MYRIP: variants seen among roughly 807,000 people sequenced by gnomAD.
MYRIP encodes rab effector MyRIP.
In MYRIP, 49 loss-of-function variants were observed where a neutral mutation model predicts 98.0. That is an observed-to-expected ratio of 0.50 (90% CI 0.40 to 0.63). MYRIP has a LOEUF of 0.63. MYRIP is among the 30% of genes least tolerant of loss of function. The pLI is 0.00. For missense variants in MYRIP, 1,004 were observed against 1,058.2 expected (o/e 0.95, Z 0.71); for synonymous variants, 404 against 409.5 (o/e 0.99, Z 0.16).
At chr3:39,927,999 C>G (rs1034243315) in intron 2 of MYRIP, among the ~76,000 whole-genome samples, 1 of 151,880 alleles carries the variant, frequency 6.6e-6, no homozygotes. Context: ...ATGAGAAACA[C>G]CCTCAACAAA....
intron 3 of MYRIP, among the ~76,000 whole-genome samples, chr3:40,073,652 C>T (rs760358974): frequency 2.2e-4 from 34 of 152,210 alleles, no homozygotes; most frequent in Non-Finnish European, 4.1e-4. Flanking sequence ...TTCCCTTTTG[C>T]CCTTCTTATT....
intron 2 of MYRIP, among the ~76,000 whole-genome samples, chr3:40,030,499 A>C (rs1352969884): frequency 6.6e-6 from 1 of 152,200 alleles, no homozygotes; most frequent in Non-Finnish European, 1.5e-5. Context: ...ATAATTAAAA[A>C]TACACGTCCA....
intron 3 of MYRIP, among the ~76,000 whole-genome samples, chr3:40,101,605 G>A (rs1948947171): frequency 6.6e-6 from 1 of 150,956 alleles, no homozygotes. Flanking sequence ...TCCTCTCTTT[G>A]TCCTGTTTTC....
chr3:39,887,956 G>A (rs1013537662), intron 1 of MYRIP, among the ~76,000 whole-genome samples: 10 of 150,984 alleles, frequency 6.6e-5, no homozygotes, highest in African/African-American at 9.8e-5. Context: ...AAATACCTAG[G>A]AATCCAACTT....
Position 40,190,458 on chromosome 3 carries a change from C to T in MYRIP, c.1660C>T (p.His554Tyr), listed in dbSNP as rs1404956727. 4 of 1,586,234 alleles carry T rather than the reference C, an allele frequency of 2.5e-6. No individual in the cohort carries two copies. Among genetic ancestry groups the T allele is most frequent in the Non-Finnish European group, 3.4e-6 (4 of 1,166,494 alleles). ...PSAQLRDLDT[H>Y]QVSDDLSETD... is the part of the protein sequence containing the mutation. ...CGCCCAGCTCCGGGATCTAGACACA[C>T]ATCAGGTAATGGAAGTGCATGCGTG... Residue 554 changes from histidine to tyrosine, a missense_variant, in exon 10 of 17, where the codon CAT becomes TAT. Coordinates refer to ENST00000302541, the MANE Select transcript of MYRIP (RefSeq NM_015460.4).
At chr3:40,004,631 C>G (rs1242922279) in intron 2 of MYRIP, among the ~76,000 whole-genome samples, 1 of 152,102 alleles carries the variant, frequency 6.6e-6, no homozygotes, top group Non-Finnish European at 1.5e-5. Context: ...CTCACCCCAA[C>G]TCCCACCTTT....
intron 3 of MYRIP, among the ~76,000 whole-genome samples, chr3:40,102,007 C>T (rs1385478724): frequency 6.6e-6 from 1 of 152,132 alleles, no homozygotes; most frequent in African/African-American, 2.4e-5. Flanking sequence ...AGGTCTTTTT[C>T]TTTAGAGTCG....
intron 2 of MYRIP, among the ~76,000 whole-genome samples, chr3:39,930,586 A>G (rs1426845987): frequency 1.4e-5 from 2 of 146,780 alleles, no homozygotes; most frequent in Admixed American, 1.4e-4. Context: ...GCTTATTTCT[A>G]AGAAACCATT....
chr3:40,050,836 G>A (rs1575496546), intron 3 of MYRIP, among the ~76,000 whole-genome samples: 1 of 152,242 alleles, frequency 6.6e-6, no homozygotes, highest in East Asian at 1.9e-4. Context: ...GACTTTGAGG[G>A]ATTCAGAACT....
rs546863003 is a variant in MYRIP at position 40,218,326 on chromosome 3, A to G, written c.1905+8233A>G. ...GGAAAAAAGACTCAAAAGGTTACAT[A>G]CTTCCCACTTACATGACATTCTGGA... On this transcript the variant is annotated intron_variant, in intron 11 of 16. Transcript: ENST00000302541. Among the ~76,000 whole-genome samples, 139 of 152,048 alleles carry G rather than the reference A, an allele frequency of 9.1e-4. 1 individual carries two copies. Among genetic ancestry groups the G allele is most frequent in the African/African-American group, 3.2e-3 (134 of 41,456 alleles).
At chr3:39,866,515 G>A (rs1036806572) in intron 1 of MYRIP, among the ~76,000 whole-genome samples, 1 of 152,024 alleles carries the variant, frequency 6.6e-6, no homozygotes, top group African/African-American at 2.4e-5. Context: ...TTGTTGCCGA[G>A]GCTGGGGTGT....
chr3:39,850,772 A>G (rs1017990637), intron 1 of MYRIP, among the ~76,000 whole-genome samples: 1 of 152,204 alleles, frequency 6.6e-6, no homozygotes, highest in Non-Finnish European at 1.5e-5. Context: ...GCCAGCTCTT[A>G]TATTGACACA....
At chr3:40,157,097 T>G (rs1362329134) in intron 4 of MYRIP, among the ~76,000 whole-genome samples, 2 of 147,902 alleles carry the variant, frequency 1.4e-5, no homozygotes, top group Non-Finnish European at 3.0e-5. Flanking sequence ...ATGCTTCCAG[T>G]TTTTGCCCAT....
chr3:40,176,272 A>G (rs1245118229), intron 8 of MYRIP, among the ~76,000 whole-genome samples: 1 of 152,156 alleles, frequency 6.6e-6, no homozygotes, highest in Non-Finnish European at 1.5e-5. Context: ...AATTAAATAA[A>G]ACTAAAAATC....
chr3:40,213,843 G>T (rs1314413861), intron 11 of MYRIP, among the ~76,000 whole-genome samples: 2 of 152,164 alleles, frequency 1.3e-5, no homozygotes, highest in Non-Finnish European at 2.9e-5. Context: ...CGGGAGTGAG[G>T]CACTAACTAG....
chr3:40,132,952 TG>T (rs1306926007), intron 3 of MYRIP, among the ~76,000 whole-genome samples: 1 of 152,214 alleles, frequency 6.6e-6, no homozygotes, highest in African/African-American at 2.4e-5. Context: ...TGTACTGCCA[TG>T]GAGGTGTTCA....
chr3:39,977,548 A>T (rs183249348), intron 2 of MYRIP, among the ~76,000 whole-genome samples: 1 of 152,156 alleles, frequency 6.6e-6, no homozygotes, highest in Non-Finnish European at 1.5e-5. Context: ...ATCCACCTCC[A>T]CAGGATGGAT....
Position 40,151,125 on chromosome 3 carries a change from T to A in MYRIP, c.410T>A (p.Val137Asp), listed in dbSNP as rs771871017. Residue 137 changes from valine to aspartate, a missense_variant, in exon 4 of 17, where the codon GTT becomes GAT. Physicochemically the swap from Val to Asp is radical, Grantham distance 152. Transcript: ENST00000302541. ...SRFKRFGSAK[V>D]LKNLYRKHRL... is the part of the protein sequence containing the mutation. ...TTCAAGCGCTTTGGCAGTGCCAAGG[T>A]TCTGAAGAACCTGTACAGGAAGCAC... 6.2e-7 allele frequency: 1 copy of A among 1,610,886 alleles called. No homozygotes were observed. The highest frequency in any genetic ancestry group is 8.5e-7 in the Non-Finnish European group (1 of 1,178,414).
At chr3:39,843,081 T>TA (rs370265835) in intron 1 of MYRIP, among the ~76,000 whole-genome samples, 217 of 152,350 alleles carry the variant, frequency 1.4e-3, no homozygotes, top group Non-Finnish European at 2.1e-3. Flanking sequence ...CAGGCAATGT[T>TA]AAAGATGATT....
Sources: gnomAD v4.1 joint callset for allele counts (sites outside exome capture counted in the v4.1 genomes callset) on GRCh38, gnomAD v4.1.1 for gene constraint, MANE v1.5 for transcripts, NCBI Gene and HGNC (gene_info 2026-07-23, HGNC 2026-07-21) for gene names.